The following PDE7A variants were observed in gnomAD, a reference collection of about 807,000 sequenced individuals.
PDE7A encodes high affinity 3',5'-cyclic-AMP phosphodiesterase 7A.
In PDE7A, 39 loss-of-function variants were observed where a neutral mutation model predicts 64.3. That is an observed-to-expected ratio of 0.61 (90% CI 0.47 to 0.79). The LOEUF is 0.79. Ranked by LOEUF, PDE7A falls within the 30% of genes least tolerant of loss-of-function variation. The pLI is 0.00. For synonymous variants in PDE7A, 203 were observed against 206.8 expected, an observed-to-expected ratio of 0.98 and a Z score of 0.16; for missense variants, 470 against 582.8, an observed-to-expected ratio of 0.81 and a Z score of 1.99.
chr8:65,783,137 T>A (rs1478097055), intron 1 of PDE7A, among the ~76,000 whole-genome samples: 1 of 152,112 alleles, frequency 6.6e-6, no homozygotes, highest in Non-Finnish European at 1.5e-5. Flanking sequence ...GGTTTTGGGG[T>A]GACATCTGTG....
At chr8:65,790,926 G>C (rs1434690702) in intron 1 of PDE7A, among the ~76,000 whole-genome samples, 1 of 152,176 alleles carries the variant, frequency 6.6e-6, no homozygotes, top group Non-Finnish European at 1.5e-5. Context: ...TCATCTGTAA[G>C]AGGCTGTGCA....
At chr8:65,816,928 T>G (rs532706281) in intron 1 of PDE7A, among the ~76,000 whole-genome samples, 38 of 152,350 alleles carry the variant, frequency 2.5e-4, no homozygotes, top group Non-Finnish European at 5.0e-4. Context: ...CCCTTTCTCC[T>G]TTTGAGATTC....
chr8:65,777,077 CTTTTTTTTTT>C (rs56661178), intron 3 of PDE7A, among the ~76,000 whole-genome samples: 2 of 90,462 alleles, frequency 2.2e-5, no homozygotes, highest in Non-Finnish European at 4.1e-5. Context: ...TTATCAAATG[CTTTTTTTTTT>C]TTTTTTTTTT....
chr8:65,733,881 C>T (rs1401165862), intron 7 of PDE7A, among the ~76,000 whole-genome samples: 2 of 152,116 alleles, frequency 1.3e-5, no homozygotes, highest in African/African-American at 4.8e-5. Flanking sequence ...ACACCTTAGC[C>T]AGAACTAAGA....
chr8:65,807,336 C>T (rs977498697), intron 1 of PDE7A, among the ~76,000 whole-genome samples: 1 of 152,136 alleles, frequency 6.6e-6, no homozygotes, highest in Non-Finnish European at 1.5e-5. Context: ...AGGTTATTCA[C>T]TTTAAGGGTA....
At chr8:65,799,381 G>T (rs1809937215) in intron 1 of PDE7A, among the ~76,000 whole-genome samples, 1 of 152,084 alleles carries the variant, frequency 6.6e-6, no homozygotes, top group African/African-American at 2.4e-5. Context: ...CCATAATAGG[G>T]AGTCTGAATT....
rs1416275933 is a variant in PDE7A, at chr8:65,809,248, T to TA, written c.139-26406dup. Among the ~76,000 whole-genome samples, 5 of 152,224 alleles carry TA rather than the reference T, an allele frequency of 3.3e-5. No individual in the cohort carries two copies. The East Asian group carries it at 9.6e-4, about 29-fold the overall frequency. On this transcript the variant is annotated intron_variant, in intron 1 of 12. Transcript: ENST00000401827. ...TATCATATGCCACTGCTTCATTACA[T>TA]AAACATTAAAAGTCTTATAACAACC...
rs9650151 is a variant in PDE7A at position 65,716,617 on chromosome 8, G to A, written c.*2673C>T. On this transcript the variant is annotated 3_prime_UTR_variant, in exon 13 of 13. Coordinates refer to ENST00000401827, the MANE Select transcript of PDE7A (RefSeq NM_001242318.3). Reference sequence around the variant, plus strand: ...CATGCTCACCAGCTGCTCATAATTTGGCTTCCCAGGAAGATTTGCCTAAAG... The same window carrying A: ...CATGCTCACCAGCTGCTCATAATTTAGCTTCCCAGGAAGATTTGCCTAAAG... 0.32 allele frequency among the ~76,000 whole-genome samples: 47,876 copies of A among 151,940 alleles called. 9,788 individuals carry two copies. Among genetic ancestry groups the A allele is most frequent in the Non-Finnish European group, 0.46 (31,577 of 67,940 alleles).
Position 65,716,112 on chromosome 8 carries a change from C to T in PDE7A, c.*3178G>A, listed in dbSNP as rs1806131124. The stretch of plus-strand genomic sequence containing the variant: ...GGTGGAGGCTGCAGTGATCATGCCA[C>T]TGCACTCCAGCCTAGTTAGCAGCGA... On this transcript the variant is annotated 3_prime_UTR_variant, in exon 13 of 13. Coordinates refer to ENST00000401827, the MANE Select transcript of PDE7A (RefSeq NM_001242318.3). Among the ~76,000 whole-genome samples the T allele has an allele frequency of 6.9e-6, 1 of 145,358 alleles. No homozygotes were observed. Among genetic ancestry groups the T allele is most frequent in the Non-Finnish European group, 1.5e-5 (1 of 66,868 alleles).
At chr8:65,829,040 T>C (rs1457018128) in intron 1 of PDE7A, among the ~76,000 whole-genome samples, 1 of 152,152 alleles carries the variant, frequency 6.6e-6, no homozygotes, top group Non-Finnish European at 1.5e-5. Context: ...AATAACTTCA[T>C]TGTTTTTCTT....
rs570305900 is a variant in PDE7A at position 65,714,400 on chromosome 8, C to T, written c.*4890G>A. ...CCAGCCCTATGGTGAGCACAGGAAC[C>T]AGGAAGATGGAGGAGACCTGCTGGG... is the stretch of plus-strand genomic sequence containing the variant. On this transcript the variant is annotated 3_prime_UTR_variant, in exon 13 of 13. Transcript: ENST00000401827. The T allele has an allele frequency of 4.5e-4, 68 of 152,124 alleles. No individual in the cohort carries two copies. The highest frequency in any genetic ancestry group is 1.4e-3 in the African/African-American group (57 of 41,498). The allele number at this position is 152,124 out of a possible 1,614,324, so 9.4% of individuals were successfully genotyped here.
intron 3 of PDE7A, among the ~76,000 whole-genome samples, chr8:65,755,321 C>T (rs756750886): frequency 2.0e-5 from 3 of 152,046 alleles, no homozygotes; most frequent in Non-Finnish European, 4.4e-5. Context: ...ATGCCCGGCC[C>T]ATTATTGCCT....
intron 10 of PDE7A, 46 bp downstream of exon 10, chr8:65,724,730 TC>T: frequency 4.0e-6 from 6 of 1,484,842 alleles, no homozygotes; most frequent in Non-Finnish European, 5.5e-6. Context: ...AGTTTGACAG[TC>T]ACATAATTTA....
intron 6 of PDE7A, among the ~76,000 whole-genome samples, chr8:65,738,693 A>G (rs1389665969): frequency 1.3e-5 from 2 of 152,118 alleles, no homozygotes; most frequent in African/African-American, 4.8e-5. Context: ...TCAGCCTCCC[A>G]AAGTGCTGGG....
At chr8:65,731,824 A>G (rs953419789) in intron 7 of PDE7A, among the ~76,000 whole-genome samples, 4 of 152,168 alleles carry the variant, frequency 2.6e-5, no homozygotes, top group Admixed American at 1.3e-4. Flanking sequence ...CACAAAATAT[A>G]TATACTTAAG....
rs189621436 is a variant in PDE7A at position 65,806,798 on chromosome 8, A to G, written c.139-23955T>C. Reference sequence around the variant, plus strand: ...TTTAGCACAATTTGTTGAAAAGACTATTCTTTCCCCATTGGATGGCCTTGG... The same window carrying G: ...TTTAGCACAATTTGTTGAAAAGACTGTTCTTTCCCCATTGGATGGCCTTGG... On this transcript the variant is annotated intron_variant, in intron 1 of 12. Coordinates refer to ENST00000401827, the MANE Select transcript of PDE7A (RefSeq NM_001242318.3). Among the ~76,000 whole-genome samples the G allele has an allele frequency of 1.8e-4, 27 of 152,296 alleles. No individual in the cohort carries two copies. The East Asian group carries it at 5.2e-3, about 29-fold the overall frequency.
intron 3 of PDE7A, among the ~76,000 whole-genome samples, chr8:65,759,553 T>C (rs1808396962): frequency 6.6e-6 from 1 of 152,196 alleles, no homozygotes; most frequent in South Asian, 2.1e-4. Context: ...CTTCAACAAG[T>C]ACTCTCTTGG....
chr8:65,749,608 A>G (rs1359906054), intron 3 of PDE7A, among the ~76,000 whole-genome samples: 1 of 152,236 alleles, frequency 6.6e-6, no homozygotes, highest in East Asian at 1.9e-4. Flanking sequence ...TATGAAAGCA[A>G]TGTTCCAAGT....
In PDE7A at chr8:65,716,258, C is replaced by G. The variant is rs1040900756; in HGVS notation, c.*3032G>C. Among the ~76,000 whole-genome samples the G allele has an allele frequency of 3.9e-5, 6 of 151,922 alleles. No homozygotes were observed. In the East Asian group the frequency reaches 9.7e-4, roughly 24 times the overall value. ...TGTAGGCAGGAAATGGGAGCCACAC[C>G]CACAGTTCCCCTGAGAATGTGGAAA... On this transcript the variant is annotated 3_prime_UTR_variant, in exon 13 of 13. Transcript: ENST00000401827.
Sources: allele counts gnomAD v4.1 joint callset (sites outside exome capture counted in the v4.1 genomes callset), GRCh38; gene constraint gnomAD v4.1.1; transcripts MANE v1.5; gene names NCBI Gene and HGNC (gene_info 2026-07-23, HGNC 2026-07-21).